Variants in MYPOP observed in about 807,000 individuals in gnomAD.
MYPOP encodes the protein Myb related transcription factor, partner of profilin.
MYPOP carries 21 observed loss-of-function variants against 25.7 expected under a neutral mutation model. The observed-to-expected ratio is 0.82, with a 90% CI of 0.58 to 1.18. MYPOP has a LOEUF of 1.18. Ranked by LOEUF, MYPOP falls within the 50% of genes most tolerant of loss-of-function variation. The pLI, the probability that MYPOP is intolerant of heterozygous loss-of-function variation, is 0.00. For missense variants in MYPOP, 566 were observed against 588.3 expected (o/e 0.96, Z 0.39); for synonymous variants, 280 against 247.9 (o/e 1.13, Z -1.22).
At position 45,901,750 on chromosome 19, in the gene MYPOP, T is replaced by C; in HGVS notation, c.24A>G (p.Glu8=). 6.7e-7 allele frequency: 1 copy of C among 1,490,320 alleles called. No individual in the cohort carries two copies. 92.3% of individuals were successfully genotyped at this position (1,490,320 alleles called of 1,614,324 possible). A position where few individuals can be genotyped will look rare whatever the true frequency, so the allele number is the denominator to read the frequency against. ...TGCGCAACCGGGTGGTTTCCTCCGCTTCGCCCGCCGCCGCCGAGGCCATGG... is the reference window on the plus strand; with the variant it reads ...TGCGCAACCGGGTGGTTTCCTCCGCCTCGCCCGCCGCCGCCGAGGCCATGG... MASAAAG[E]AEETTRLRKP... Residue 8 remains glutamate, a synonymous_variant, in exon 2 of 3, where the codon GAA becomes GAG. Coordinates refer to ENST00000322217, the MANE Select transcript of MYPOP (RefSeq NM_001012643.4). The surrounding 1 kb of genome is among the most constrained non-coding windows in gnomAD (Gnocchi z 5.7).
In MYPOP at chr19:45,891,000, C is replaced by T; in HGVS notation, c.823G>A (p.Glu275Lys). ...CCCTGTCGAAGGGTGCCGGCCAGCT[C>T]CCGGATGGCGTTGGCAGTCTCCTGC... ...AQQETANAIRELAGTLRQGLA... is the reference protein window; with the variant it reads ...AQQETANAIRKLAGTLRQGLA... Residue 275 changes from glutamate (E) to lysine (K), a missense_variant, in exon 3 of 3, where the codon GAG becomes AAG. Transcript: ENST00000322217. 6.6e-7 allele frequency: 1 copy of T among 1,525,780 alleles called. No homozygotes were observed. Among genetic ancestry groups the T allele is most frequent in the Non-Finnish European group, 8.8e-7 (1 of 1,132,504 alleles). The allele number at this position is 1,525,780 out of a possible 1,614,324, so 94.5% of individuals were successfully genotyped here. A position where few individuals can be genotyped will look rare whatever the true frequency, so the allele number is the denominator to read the frequency against.
chr19:45,890,916 C>A lies in MYPOP; in HGVS notation c.907G>T (p.Val303Phe), dbSNP rs199837560. The stretch of plus-strand genomic sequence containing the variant: ...GGCAGAGGTGGAGGCAGGGAGTCAA[C>A]TGGGGTTCCTGGCAGAAGGGGCAGC... ...ALLPLLPGTPVDSLPPPLPPP... is the reference protein window; with the variant it reads ...ALLPLLPGTPFDSLPPPLPPP... Residue 303 changes from valine to phenylalanine, a missense_variant, in exon 3 of 3, where the codon GTT becomes TTT. Physicochemically the swap from Val to Phe is conservative, Grantham distance 50. Coordinates refer to ENST00000322217, the MANE Select transcript of MYPOP (RefSeq NM_001012643.4). The A allele has an allele frequency of 6.9e-7, 1 of 1,442,712 alleles. No individual in the cohort carries two copies. Among genetic ancestry groups the A allele is most frequent in the Non-Finnish European group, 9.1e-7 (1 of 1,099,248 alleles). The allele number at this position is 1,442,712 out of a possible 1,614,324, so 89.4% of individuals were successfully genotyped here. A position where few individuals can be genotyped will look rare whatever the true frequency, so the allele number is the denominator to read the frequency against.
chr19:45,896,162 A>G (rs1967201466), intron 2 of MYPOP, among the ~76,000 whole-genome samples: 1 of 152,006 alleles, frequency 6.6e-6, no homozygotes, highest in South Asian at 2.1e-4. Context: ...GTGGTGGTGC[A>G]CGCCTGTGAT....
intron 2 of MYPOP, among the ~76,000 whole-genome samples, chr19:45,892,769 C>T (rs1017509379): frequency 4.6e-5 from 7 of 152,216 alleles, no homozygotes; most frequent in Non-Finnish European, 8.8e-5. Context: ...CCTGGTCCCC[C>T]ACCCTGGCCC....
chr19:45,890,601 G>A lies in MYPOP; in HGVS notation c.*22C>T. The A allele has an allele frequency of 1.2e-6, 2 of 1,609,828 alleles. No homozygotes were observed. The highest frequency in any genetic ancestry group is 1.7e-6 in the Non-Finnish European group (2 of 1,177,890). The stretch of plus-strand genomic sequence containing the variant: ...GCCAAGCTGGGGAGAGGGGTTGCAG[G>A]CAGGATCATAGATAGTAGATTTCAC... On this transcript the variant is annotated 3_prime_UTR_variant, in exon 3 of 3. Transcript: ENST00000322217.
At chr19:45,896,484 G>C (rs990037387) in intron 2 of MYPOP, among the ~76,000 whole-genome samples, 4 of 152,148 alleles carry the variant, frequency 2.6e-5, no homozygotes, top group African/African-American at 9.7e-5. Context: ...AGTCTTCCCA[G>C]CCATTCTCTG....
intron 2 of MYPOP, among the ~76,000 whole-genome samples, chr19:45,898,472 C>T (rs1480107324): frequency 1.3e-5 from 2 of 151,830 alleles, no homozygotes; most frequent in Non-Finnish European, 2.9e-5. Context: ...TACAGGCATG[C>T]GCCACCACGC....
Position 45,901,736 on chromosome 19 carries a change from G to A in MYPOP, c.38C>T (p.Thr13Ile), listed in dbSNP as rs1378595124. 3.9e-6 allele frequency: 6 copies of A among 1,540,232 alleles called. No individual in the cohort carries two copies. In the African/African-American group the frequency reaches 4.3e-5, roughly 11 times the overall value. The change falls in exon 2 of 3, where the codon ACC becomes ATC. Residue 13 changes from threonine (T) to isoleucine (I), a missense_variant. Thr to Ile is a moderately conservative substitution (Grantham distance 89). Coordinates refer to ENST00000322217, the MANE Select transcript of MYPOP (RefSeq NM_001012643.4). This position sits in a 1 kb window ranked among gnomAD's most constrained non-coding sequence, Gnocchi z 5.7. Reference sequence around the variant, plus strand: ...TGAGAAGCGCGGCTTGCGCAACCGGGTGGTTTCCTCCGCTTCGCCCGCCGC... The same window carrying A: ...TGAGAAGCGCGGCTTGCGCAACCGGATGGTTTCCTCCGCTTCGCCCGCCGC... ...SAAAGEAEET[T>I]RLRKPRFSFE...
At position 45,901,285 on chromosome 19, in the gene MYPOP, G is replaced by A. The variant is rs1967285586; in HGVS notation, c.489C>T (p.Asp163=). 6 of 1,448,924 alleles carry A rather than the reference G, an allele frequency of 4.1e-6. No homozygotes were observed. The highest frequency in any genetic ancestry group is 2.9e-5 in the Admixed American group (1 of 34,132). The allele number at this position is 1,448,924 out of a possible 1,614,324, so 89.8% of individuals were successfully genotyped here. A position where few individuals can be genotyped will look rare whatever the true frequency, so the allele number is the denominator to read the frequency against. The change falls in exon 2 of 3, where the codon GAC becomes GAT. Residue 163 remains aspartate, a synonymous_variant. Transcript: ENST00000322217. This position sits in a 1 kb window ranked among gnomAD's most constrained non-coding sequence, Gnocchi z 5.7. ...RYVLSEDRRE[D]RRADTSAHSK... ...TCTGAAGACACTCACCTGCACGTCG[G>A]TCCTCCCGGCGGTCTTCCGACAACA...
At chr19:45,894,826 C>A (rs1276379792) in intron 2 of MYPOP, among the ~76,000 whole-genome samples, 4 of 150,512 alleles carry the variant, frequency 2.7e-5, no homozygotes, top group Non-Finnish European at 5.9e-5. Flanking sequence ...TCAAGAAATT[C>A]TCCACCCTCA....
intron 2 of MYPOP, among the ~76,000 whole-genome samples, chr19:45,898,359 G>A (rs1268160139): frequency 6.6e-6 from 1 of 150,702 alleles, no homozygotes; most frequent in African/African-American, 2.4e-5. Context: ...TTTTGCTCTT[G>A]TTGCCCAGGC....
intron 2 of MYPOP, among the ~76,000 whole-genome samples, chr19:45,895,378 T>TA (rs1967188433): frequency 6.6e-6 from 1 of 152,206 alleles, no homozygotes; most frequent in East Asian, 1.9e-4. Context: ...CCTGAGTAGC[T>TA]ATAGCTGGGA....
chr19:45,897,503 C>T lies in MYPOP; in HGVS notation c.499+3772G>A, dbSNP rs79494448. On this transcript the variant is annotated intron_variant, in intron 2 of 2. Coordinates refer to ENST00000322217, the MANE Select transcript of MYPOP (RefSeq NM_001012643.4). ...GAGTAAAAAGGAACAGAAAGTAGCC[C>T]AGCCTTCATGCCCACAAGGCTCACA... is the stretch of plus-strand genomic sequence containing the variant. 0.011 allele frequency among the ~76,000 whole-genome samples: 1,656 copies of T among 152,250 alleles called. 94 individuals are homozygous for T. The East Asian group carries it at 0.17, about 16-fold the overall frequency.
Position 45,901,314 on chromosome 19 carries a change from A to G in MYPOP, c.460T>C (p.Tyr154His), listed in dbSNP as rs751197529. Reference sequence around the variant, plus strand: ...TCCCGGCGGTCTTCCGACAACACGTAGCGCTGAGGGCAGGCGCTTGGGGGC... The same window carrying G: ...TCCCGGCGGTCTTCCGACAACACGTGGCGCTGAGGGCAGGCGCTTGGGGGC... ...PPPPSACPQR[Y>H]VLSEDRREDR... The change falls in exon 2 of 3, where the codon TAC becomes CAC. Residue 154 changes from tyrosine (Y) to histidine (H), a missense_variant. Transcript: ENST00000322217. This position sits in a 1 kb window ranked among gnomAD's most constrained non-coding sequence, Gnocchi z 5.7. 6 of 1,459,434 alleles carry G rather than the reference A, an allele frequency of 4.1e-6. No homozygotes were observed. The highest frequency in any genetic ancestry group is 4.5e-6 in the Non-Finnish European group (5 of 1,107,298). The allele number at this position is 1,459,434 out of a possible 1,614,324, so 90.4% of individuals were successfully genotyped here. A position where few individuals can be genotyped will look rare whatever the true frequency, so the allele number is the denominator to read the frequency against.
chr19:45,890,517 T>C lies in MYPOP; in HGVS notation c.*106A>G, dbSNP rs1024654033. On this transcript the variant is annotated 3_prime_UTR_variant, in exon 3 of 3. Coordinates refer to ENST00000322217, the MANE Select transcript of MYPOP (RefSeq NM_001012643.4). ...CACAGGGAGTGGGTGCTCACATCCCTGGAGCAGGGAGCTAGGGTGCAGCTG... is the reference window on the plus strand; with the variant it reads ...CACAGGGAGTGGGTGCTCACATCCCCGGAGCAGGGAGCTAGGGTGCAGCTG... 1.3e-6 allele frequency: 2 copies of C among 1,516,972 alleles called. No individual in the cohort carries two copies. Among genetic ancestry groups the C allele is most frequent in the Non-Finnish European group, 1.8e-6 (2 of 1,132,018 alleles). 94.0% of individuals were successfully genotyped at this position (1,516,972 alleles called of 1,614,324 possible).
chr19:45,891,448 C>A, intron 2 of MYPOP, 125 bp from the exon 3 acceptor site: 9 of 1,188,674 alleles, frequency 7.6e-6, no homozygotes, highest in Non-Finnish European at 6.7e-6. Flanking sequence ...ACCCCCGCCC[C>A]CCAGCCCCAA....
intron 2 of MYPOP, among the ~76,000 whole-genome samples, chr19:45,898,835 T>C (rs1221089373): frequency 6.6e-6 from 1 of 152,130 alleles, no homozygotes; most frequent in Non-Finnish European, 1.5e-5. Flanking sequence ...CTCACCATCC[T>C]CTGAATATGA....
intron 2 of MYPOP, among the ~76,000 whole-genome samples, chr19:45,898,644 C>T (rs553104638): frequency 1.3e-5 from 2 of 152,110 alleles, no homozygotes; most frequent in Non-Finnish European, 2.9e-5. Context: ...AGATTCTAAT[C>T]GAGGATGCTC....
intron 2 of MYPOP, among the ~76,000 whole-genome samples, chr19:45,898,551 G>A (rs1967241114): frequency 2.0e-5 from 3 of 151,402 alleles, no homozygotes. Context: ...TCGAACTCCC[G>A]ACCTCAGGTA....
Sources: gnomAD v4.1 joint callset for allele counts (sites outside exome capture counted in the v4.1 genomes callset) on GRCh38, gnomAD v4.1.1 for gene constraint, Gnocchi (gnomAD v3.1) non-coding constraint, MANE v1.5 for transcripts, NCBI Gene and HGNC (gene_info 2026-07-23, HGNC 2026-07-21) for gene names.